The following LRCH1 variants were observed in gnomAD, a reference collection of about 807,000 sequenced individuals.
LRCH1 encodes the protein leucine rich repeats and calponin homology domain containing 1, also known as leucine-rich repeat and calponin homology domain-containing protein 1.
A neutral mutation model predicts 94.9 loss-of-function variants in LRCH1; 23 were observed. The ratio of observed to expected loss-of-function variants is 0.24; its 90% confidence interval spans 0.17 to 0.34. The LOEUF (loss-of-function observed/expected upper bound fraction) is 0.34, where lower values mean the gene tolerates loss of function less well. Ranked by LOEUF, LRCH1 falls within the 10% of genes least tolerant of loss-of-function variation. The pLI is 1.00. For synonymous variants in LRCH1, 364 were observed against 354.9 expected, an observed-to-expected ratio of 1.03 and a Z score of -0.29; for missense variants, 790 against 945.9, an observed-to-expected ratio of 0.84 and a Z score of 2.16.
At chr13:46,644,229 G>T (rs1036881978) in intron 1 of LRCH1, among the ~76,000 whole-genome samples, 46 of 152,172 alleles carry the variant, frequency 3.0e-4, no homozygotes, top group African/African-American at 9.4e-4. Flanking sequence ...CCAGTGTCAG[G>T]CATGCTTGAA....
At chr13:46,619,113 T>TTCCTTCCTTCC (rs143168003) in intron 1 of LRCH1, among the ~76,000 whole-genome samples, 13,252 of 90,202 alleles carry the variant, frequency 0.15, 975 homozygotes, top group African/African-American at 0.17. Context: ...CCTTCCTTCC[T>TTCCTTCCTTCC]TTTTTTTGGT....
At chr13:46,560,243 G>A (rs1047195901) in intron 1 of LRCH1, among the ~76,000 whole-genome samples, 12 of 149,306 alleles carry the variant, frequency 8.0e-5, no homozygotes, top group Non-Finnish European at 1.3e-4. Context: ...CTTTTTCAAA[G>A]CCTTGATAAT....
In LRCH1 at chr13:46,733,902, C is replaced by A; in HGVS notation, c.2008-19C>A. 1 of 1,481,314 alleles carries A rather than the reference C, an allele frequency of 6.8e-7. No homozygotes were observed. Among genetic ancestry groups the A allele is most frequent in the Admixed American group, 1.9e-5 (1 of 51,470 alleles). The allele number at this position is 1,481,314 out of a possible 1,614,324, so 91.8% of individuals were successfully genotyped here. On this transcript the variant is annotated intron_variant, in intron 18 of 19. Transcript: ENST00000389797. ...TCTCTTTTAAATAATATATTATTTC[C>A]GTATATTTGCATTTATAGCCCAAAC...
chr13:46,730,299 C>G (rs1873035886), intron 18 of LRCH1, among the ~76,000 whole-genome samples: 1 of 152,138 alleles, frequency 6.6e-6, no homozygotes. Flanking sequence ...TAAGATACTT[C>G]ATGTAATTTA....
Position 46,696,741 on chromosome 13 carries a change from G to A in LRCH1, c.1245+1724G>A, listed in dbSNP as rs75508082. ...AAAATTGTGCTTGAAAATCAGGCCC[G>A]TATTAGGCTTGATATCCATCAACTT... On this transcript the variant is annotated intron_variant, in intron 9 of 19. Coordinates refer to ENST00000389797, the MANE Select transcript of LRCH1 (RefSeq NM_001164211.2). Among the ~76,000 whole-genome samples the A allele has an allele frequency of 7.8e-3, 1,188 of 152,266 alleles. 13 individuals carry two copies. The highest frequency in any genetic ancestry group is 0.012 in the Non-Finnish European group (842 of 68,008).
chr13:46,668,628 AG>A (rs1253379541), intron 2 of LRCH1, among the ~76,000 whole-genome samples: 1 of 149,416 alleles, frequency 6.7e-6, no homozygotes, highest in Non-Finnish European at 1.5e-5. Context: ...TTGTCAGGAG[AG>A]GGCAGTTGGC....
chr13:46,619,345 A>G (rs1039112404), intron 1 of LRCH1, among the ~76,000 whole-genome samples: 1 of 152,090 alleles, frequency 6.6e-6, no homozygotes, highest in African/African-American at 2.4e-5. Context: ...TCTTGGCCTC[A>G]AGTGATCCGC....
intron 1 of LRCH1, among the ~76,000 whole-genome samples, chr13:46,603,844 A>G (rs1222619401): frequency 6.6e-6 from 1 of 151,932 alleles, no homozygotes; most frequent in African/African-American, 2.4e-5. Flanking sequence ...TTTTGTAGAG[A>G]TGGGGTCTCA....
intron 1 of LRCH1, among the ~76,000 whole-genome samples, chr13:46,561,264 A>G (rs552753353): frequency 1.2e-4 from 19 of 152,284 alleles, no homozygotes; most frequent in African/African-American, 4.6e-4. Flanking sequence ...GGGACAGGTT[A>G]TTTGATTTTG....
At chr13:46,615,284 G>C (rs998952488) in intron 1 of LRCH1, among the ~76,000 whole-genome samples, 3 of 152,224 alleles carry the variant, frequency 2.0e-5, no homozygotes, top group African/African-American at 7.2e-5. Flanking sequence ...GGCTAAGGGG[G>C]AGCAGGCAAG....
At chr13:46,620,446 G>A (rs931540332) in intron 1 of LRCH1, among the ~76,000 whole-genome samples, 3 of 152,042 alleles carry the variant, frequency 2.0e-5, no homozygotes, top group African/African-American at 4.8e-5. Context: ...CATGGTATGT[G>A]CCTTTATATT....
intron 9 of LRCH1, among the ~76,000 whole-genome samples, chr13:46,697,259 G>T (rs1470265856): frequency 1.3e-5 from 2 of 152,158 alleles, no homozygotes; most frequent in Non-Finnish European, 2.9e-5. Flanking sequence ...TGCACCCTCT[G>T]CTCACAACGT....
rs35848521 is a variant in LRCH1, at chr13:46,567,492, T to TTGTGTGTGTGTGTGTGTGTGTGTG, written c.307+13801_307+13824dup. Among the ~76,000 whole-genome samples the TTGTGTGTGTGTGTGTGTGTGTGTG allele has an allele frequency of 4.4e-3, 620 of 141,916 alleles. 4 individuals are homozygous for TTGTGTGTGTGTGTGTGTGTGTGTG. The highest frequency in any genetic ancestry group is 0.016 in the African/African-American group (594 of 37,026). The allele number at this position is 141,916 out of a possible 152,430, so 93.1% of individuals were successfully genotyped here. A position where few individuals can be genotyped will look rare whatever the true frequency, so the allele number is the denominator to read the frequency against. On this transcript the variant is annotated intron_variant, in intron 1 of 19. Transcript: ENST00000389797. Reference sequence around the variant, plus strand: ...TCTCTGCATGCAATTTAAGGCAATTTTGTGTGTGTGTGTGTGTGTGTGTGT... The same window carrying TTGTGTGTGTGTGTGTGTGTGTGTG: ...TCTCTGCATGCAATTTAAGGCAATTTTGTGTGTGTGTGTGTGTGTGTGTGTGTGTGTGTGTGTGTGTGTGTGTGT...
chr13:46,647,281 ATG>A (rs67987092), intron 1 of LRCH1, among the ~76,000 whole-genome samples: 3,414 of 152,230 alleles, frequency 0.022, 143 homozygotes, highest in African/African-American at 0.078. Flanking sequence ...CAGCATTACA[ATG>A]TGTTTATCAG....
Position 46,701,214 on chromosome 13 carries a change from A to G in LRCH1, c.1400+7A>G. On this transcript the variant is annotated splice_region_variant and intron_variant, in intron 11 of 19. Coordinates refer to ENST00000389797, the MANE Select transcript of LRCH1 (RefSeq NM_001164211.2). ...TGCTGCAAGATCCCAATGGGTGTGT[A>G]TGTCTCCTTGGTCCAGGTTTCATGT... The G allele has an allele frequency of 1.3e-6, 2 of 1,598,670 alleles. No individual in the cohort carries two copies. The highest frequency in any genetic ancestry group is 8.6e-7 in the Non-Finnish European group (1 of 1,166,030).
At position 46,741,882 on chromosome 13, in the gene LRCH1, C is replaced by T. The variant is rs551274412; in HGVS notation, c.*34C>T. Reference sequence around the variant, plus strand: ...CGTGCATCCAAACGCTGTGCTCTGTCGCCCTCAACCTTTGCAGGGTCCTTC... The same window carrying T: ...CGTGCATCCAAACGCTGTGCTCTGTTGCCCTCAACCTTTGCAGGGTCCTTC... On this transcript the variant is annotated 3_prime_UTR_variant, in exon 20 of 20. Transcript: ENST00000389797. 12 of 1,611,720 alleles carry T rather than the reference C, an allele frequency of 7.4e-6. No individual in the cohort carries two copies. Among genetic ancestry groups the T allele is most frequent in the Admixed American group, 6.7e-5 (4 of 59,990 alleles).
At chr13:46,632,460 C>T (rs573738160) in intron 1 of LRCH1, among the ~76,000 whole-genome samples, 31 of 152,264 alleles carry the variant, frequency 2.0e-4, no homozygotes, top group African/African-American at 7.0e-4. Context: ...ATAATTTTTT[C>T]ATCATTTTTA....
rs139031135 is a variant in LRCH1 at position 46,737,244 on chromosome 13, A to G, written c.2085+3246A>G. Among the ~76,000 whole-genome samples the G allele has an allele frequency of 1.1e-3, 162 of 151,926 alleles. 1 individual carries two copies. The highest frequency in any genetic ancestry group is 3.3e-3 in the African/African-American group (135 of 41,414). On this transcript the variant is annotated intron_variant, in intron 19 of 19. Coordinates refer to ENST00000389797, the MANE Select transcript of LRCH1 (RefSeq NM_001164211.2). ...ATAGTAAAGGTTAGTGGGTGAGACTATCCCTCCACGACATTTAAAAAAATT... is the reference window on the plus strand; with the variant it reads ...ATAGTAAAGGTTAGTGGGTGAGACTGTCCCTCCACGACATTTAAAAAAATT...
At chr13:46,642,578 G>T (rs770123162) in intron 1 of LRCH1, among the ~76,000 whole-genome samples, 1 of 152,186 alleles carries the variant, frequency 6.6e-6, no homozygotes, top group African/African-American at 2.4e-5. Flanking sequence ...GATTCTTGTT[G>T]CTCTGATTGT....
Sources: gnomAD v4.1 joint callset for allele counts (sites outside exome capture counted in the v4.1 genomes callset) on GRCh38, gnomAD v4.1.1 for gene constraint, MANE v1.5 for transcripts, NCBI Gene and HGNC (gene_info 2026-07-23, HGNC 2026-07-21) for gene names.